The following GPM6A variants were observed in gnomAD, a reference collection of about 807,000 sequenced individuals.
GPM6A encodes neuronal membrane glycoprotein M6-a.
In GPM6A, 7 loss-of-function variants were observed where a neutral mutation model predicts 32.1. The ratio of observed to expected loss-of-function variants is 0.22; its 90% CI spans 0.12 to 0.41. The LOEUF is 0.41. Ranked by LOEUF, GPM6A falls within the 10% of genes least tolerant of loss-of-function variation. GPM6A has a pLI of 1.00. For synonymous variants in GPM6A, 130 were observed against 123.4 expected, an observed-to-expected ratio of 1.05 and a Z score of -0.35; for missense variants, 235 against 347.2, an observed-to-expected ratio of 0.68 and a Z score of 2.57.
intron 1 of GPM6A, among the ~76,000 whole-genome samples, chr4:175,892,886 G>A (rs1231032549): frequency 1.3e-5 from 2 of 152,270 alleles, no homozygotes; most frequent in East Asian, 1.9e-4. Context: ...ACTCAGATCA[G>A]GACTGTGTTT....
At chr4:175,818,472 T>A (rs1735177701) in intron 1 of GPM6A, among the ~76,000 whole-genome samples, 1 of 152,246 alleles carries the variant, frequency 6.6e-6, no homozygotes, top group Non-Finnish European at 1.5e-5. Flanking sequence ...GAGTCAGTTC[T>A]ATATATATGT....
chr4:175,810,995 C>T (rs1734895897), intron 1 of GPM6A, among the ~76,000 whole-genome samples: 1 of 152,020 alleles, frequency 6.6e-6, no homozygotes, highest in Non-Finnish European at 1.5e-5. Flanking sequence ...ATCAACTTAT[C>T]TATTATCTCT....
intron 2 of GPM6A, among the ~76,000 whole-genome samples, chr4:175,683,901 G>A (rs866137286): frequency 4.0e-5 from 6 of 150,932 alleles, no homozygotes; most frequent in South Asian, 2.1e-4. Flanking sequence ...ATGTGATCTC[G>A]GCTCACTGCA....
chr4:175,804,772 T>G (rs538996693), intron 1 of GPM6A, among the ~76,000 whole-genome samples: 1 of 152,180 alleles, frequency 6.6e-6, no homozygotes, highest in South Asian at 2.1e-4. Context: ...TGGGCCGGGC[T>G]CGGTGGCTCA....
At chr4:175,777,762 A>G (rs1016452401) in intron 1 of GPM6A, among the ~76,000 whole-genome samples, 5 of 152,174 alleles carry the variant, frequency 3.3e-5, no homozygotes, top group African/African-American at 1.2e-4. Context: ...CAATGTTATT[A>G]GAAATCAACA....
At chr4:175,701,924 A>C (rs1744902674) in intron 1 of GPM6A, among the ~76,000 whole-genome samples, 157 bp from the exon 2 acceptor site, 1 of 152,186 alleles carries the variant, frequency 6.6e-6, no homozygotes. Flanking sequence ...TACTAAGATC[A>C]AATTCCTTAA....
intron 1 of GPM6A, among the ~76,000 whole-genome samples, chr4:175,910,446 A>G (rs556901938): frequency 1.8e-4 from 27 of 152,304 alleles, no homozygotes; most frequent in Non-Finnish European, 3.7e-4. Context: ...TTAGTCGGGT[A>G]CATAATTCAC....
intron 4 of GPM6A, among the ~76,000 whole-genome samples, chr4:175,643,758 G>T (rs951711964): frequency 6.6e-6 from 1 of 152,004 alleles, no homozygotes; most frequent in Non-Finnish European, 1.5e-5. Context: ...GCTGGTGATC[G>T]GCAGCTTCTT....
At chr4:175,869,317 A>G (rs952780511) in intron 1 of GPM6A, among the ~76,000 whole-genome samples, 24 of 152,342 alleles carry the variant, frequency 1.6e-4, no homozygotes, top group African/African-American at 5.5e-4. Flanking sequence ...TTGATCTGCT[A>G]GCTAAATGTA....
At chr4:175,820,853 G>T (rs761124767) in intron 1 of GPM6A, among the ~76,000 whole-genome samples, 1 of 152,074 alleles carries the variant, frequency 6.6e-6, no homozygotes, top group African/African-American at 2.4e-5. Context: ...GTCTCTTTTC[G>T]CAACTTCTTC....
At chr4:175,831,729 T>TTTTC (rs1441270944) in intron 1 of GPM6A, among the ~76,000 whole-genome samples, 1 of 140,638 alleles carries the variant, frequency 7.1e-6, no homozygotes, top group Non-Finnish European at 1.5e-5. Flanking sequence ...TTTTTTTTTT[T>TTTTC]TTTTTTTTTG....
intron 1 of GPM6A, among the ~76,000 whole-genome samples, chr4:175,853,782 A>G (rs999001664): frequency 3.3e-5 from 5 of 152,184 alleles, no homozygotes; most frequent in African/African-American, 9.6e-5. Context: ...TGATATTAAT[A>G]TCACTCAGTT....
intron 1 of GPM6A, among the ~76,000 whole-genome samples, chr4:175,800,566 A>G (rs765048669): frequency 5.3e-5 from 8 of 152,192 alleles, no homozygotes; most frequent in Non-Finnish European, 1.2e-4. Flanking sequence ...TTATATACCT[A>G]CATAATACTG....
intron 1 of GPM6A, among the ~76,000 whole-genome samples, chr4:175,881,636 C>T (rs1579593487): frequency 6.6e-6 from 1 of 152,142 alleles, no homozygotes; most frequent in African/African-American, 2.4e-5. Context: ...AAATGTGGCA[C>T]ATATACACCA....
intron 1 of GPM6A, among the ~76,000 whole-genome samples, chr4:175,937,613 G>A (rs1345393986): frequency 6.6e-6 from 1 of 152,110 alleles, no homozygotes; most frequent in Non-Finnish European, 1.5e-5. Context: ...AAAGTATCCA[G>A]CATGTTGAAA....
chr4:175,779,981 GTATGCTCAGTGAAAAAAAAATAGTT>G, intron 1 of GPM6A, among the ~76,000 whole-genome samples: 1 of 151,380 alleles, frequency 6.6e-6, no homozygotes, highest in African/African-American at 2.4e-5. Flanking sequence ...GGAGGTAGCA[GTATGCTCAGTGAAAAAAAAATAGTT>G]TAAAGTCAGA....
At chr4:175,940,319 G>A (rs921121102) in intron 1 of GPM6A, among the ~76,000 whole-genome samples, 3 of 152,042 alleles carry the variant, frequency 2.0e-5, no homozygotes, top group African/African-American at 7.2e-5. Context: ...ATAGGTTTGG[G>A]AAGTGTTATA....
At chr4:175,650,045 C>T (rs1276615026) in intron 4 of GPM6A, among the ~76,000 whole-genome samples, 1 of 152,126 alleles carries the variant, frequency 6.6e-6, no homozygotes, top group African/African-American at 2.4e-5. Flanking sequence ...GTAGCATTTG[C>T]TGTGGGCTCC....
At chr4:175,932,106 A>G (rs57595727) in intron 1 of GPM6A, among the ~76,000 whole-genome samples, 2,115 of 151,698 alleles carry the variant, frequency 0.014, 60 homozygotes, top group African/African-American at 0.049. Context: ...AGGAAAAAAA[A>G]AAAAAAAGAA....
Sources: gnomAD v4.1 joint callset for allele counts (sites outside exome capture counted in the v4.1 genomes callset) on GRCh38, gnomAD v4.1.1 for gene constraint, MANE v1.5 for transcripts, NCBI Gene and HGNC (gene_info 2026-07-23, HGNC 2026-07-21) for gene names.